MEOX2: variants seen among roughly 807,000 people sequenced by gnomAD.
MEOX2 encodes homeobox protein MOX-2.
In MEOX2, 11 loss-of-function variants were observed where a neutral mutation model predicts 27.0. The ratio of observed to expected loss-of-function variants is 0.41; its 90% CI spans 0.26 to 0.68. The LOEUF is 0.68. MEOX2 is among the 30% of genes least tolerant of loss of function. MEOX2 has a pLI of 0.33. For missense variants in MEOX2, 436 were observed against 385.4 expected (o/e 1.13, Z -1.10); for synonymous variants, 189 against 155.4 (o/e 1.22, Z -1.61).
At chr7:15,670,164 A>G (rs1782072503) in intron 1 of MEOX2, among the ~76,000 whole-genome samples, 1 of 151,718 alleles carries the variant, frequency 6.6e-6, no homozygotes. Context: ...CATATTTCTG[A>G]TTTTGCTTTT....
intron 1 of MEOX2, among the ~76,000 whole-genome samples, chr7:15,653,782 C>T (rs941222995): frequency 6.6e-6 from 1 of 151,900 alleles, no homozygotes; most frequent in Admixed American, 6.6e-5. Flanking sequence ...ATATATGTTT[C>T]TGTGTCTCCA....
In MEOX2 at chr7:15,686,585, T is replaced by G. The variant is rs975879035; in HGVS notation, c.-183A>C. On this transcript the variant is annotated 5_prime_UTR_variant, in exon 1 of 3. It removes an upstream start codon present in the reference 5' UTR. Transcript: ENST00000262041. ...GCCCCAGCGGCCAGTCTCCTTTACA[T>G]ATGAACAGTCGGACCTGGAAGAGCT... 3 of 619,002 alleles carry G rather than the reference T, an allele frequency of 4.8e-6. No individual in the cohort carries two copies. In the African/African-American group the frequency reaches 5.5e-5, roughly 11 times the overall value. The allele number at this position is 619,002 out of a possible 1,614,324, so 38.3% of individuals were successfully genotyped here. A position where few individuals can be genotyped will look rare whatever the true frequency, so the allele number is the denominator to read the frequency against.
chr7:15,646,956 A>T (rs17168946), intron 1 of MEOX2, among the ~76,000 whole-genome samples: 1 of 151,964 alleles, frequency 6.6e-6, no homozygotes, highest in Non-Finnish European at 1.5e-5. Context: ...ATACAGTATT[A>T]TCTACACATC....
At chr7:15,677,767 T>G (rs1782223386) in intron 1 of MEOX2, 1 of 152,148 alleles carries the variant, frequency 6.6e-6, no homozygotes, top group South Asian at 2.1e-4. Context: ...ACCATCAAAT[T>G]GCCATCATCA....
At chr7:15,654,302 AT>A (rs1291802714) in intron 1 of MEOX2, among the ~76,000 whole-genome samples, 24 of 151,744 alleles carry the variant, frequency 1.6e-4, no homozygotes, top group African/African-American at 4.1e-4. Context: ...TATTTGGGGG[AT>A]TTTGTTGGTA....
chr7:15,645,366 A>G (rs981865324), intron 1 of MEOX2, among the ~76,000 whole-genome samples: 1 of 152,208 alleles, frequency 6.6e-6, no homozygotes, highest in Non-Finnish European at 1.5e-5. Context: ...AATAACAGCT[A>G]TGACAAATCT....
chr7:15,635,087 AC>A (rs1781460230), intron 1 of MEOX2, among the ~76,000 whole-genome samples: 1 of 151,958 alleles, frequency 6.6e-6, no homozygotes, highest in South Asian at 2.1e-4. Context: ...ATAAATATTA[AC>A]TTTGTAGGCA....
chr7:15,621,946 G>A (rs936055400), intron 2 of MEOX2, among the ~76,000 whole-genome samples: 5 of 152,084 alleles, frequency 3.3e-5, no homozygotes, highest in South Asian at 2.1e-4. Flanking sequence ...GTGAAACCCC[G>A]TCCCTACTAA....
At chr7:15,653,401 G>C (rs960007307) in intron 1 of MEOX2, among the ~76,000 whole-genome samples, 1 of 151,768 alleles carries the variant, frequency 6.6e-6, no homozygotes, top group East Asian at 1.9e-4. Flanking sequence ...TATGTGGTTT[G>C]GTAACATGTT....
chr7:15,655,806 TA>T (rs1781810786), intron 1 of MEOX2, among the ~76,000 whole-genome samples: 2 of 151,804 alleles, frequency 1.3e-5, no homozygotes, highest in Non-Finnish European at 3.0e-5. Context: ...TAGTGAGCTT[TA>T]AAAATATGTG....
chr7:15,673,366 G>A (rs986001802), intron 1 of MEOX2, among the ~76,000 whole-genome samples: 1 of 151,900 alleles, frequency 6.6e-6, no homozygotes, highest in Non-Finnish European at 1.5e-5. Flanking sequence ...ACATTTTAAT[G>A]AAAATGATGC....
At chr7:15,644,193 C>T (rs1336037567) in intron 1 of MEOX2, among the ~76,000 whole-genome samples, 3 of 152,166 alleles carry the variant, frequency 2.0e-5, no homozygotes, top group East Asian at 1.9e-4. Context: ...GTCACATTTT[C>T]ATTGTAGCTG....
intron 1 of MEOX2, among the ~76,000 whole-genome samples, chr7:15,631,416 A>T (rs532108386): frequency 6.6e-6 from 1 of 151,926 alleles, no homozygotes; most frequent in Non-Finnish European, 1.5e-5. Context: ...ATTTTTTATT[A>T]TATTTATGTA....
At chr7:15,613,571 C>T (rs1300024262) in intron 2 of MEOX2, among the ~76,000 whole-genome samples, 1 of 151,984 alleles carries the variant, frequency 6.6e-6, no homozygotes, top group Admixed American at 6.6e-5. Context: ...TCTACCCCAC[C>T]TAAAAGTACC....
intron 1 of MEOX2, 82 bp downstream of exon 1, chr7:15,685,804 C>T: frequency 1.3e-6 from 2 of 1,491,776 alleles, no homozygotes; most frequent in Non-Finnish European, 1.8e-6. Context: ...TGCCACCCTC[C>T]AGTGCGAGAA....
chr7:15,679,902 A>C (rs1381141088), intron 1 of MEOX2: 2 of 151,964 alleles, frequency 1.3e-5, no homozygotes, highest in African/African-American at 4.8e-5. Context: ...AAACCAAAAA[A>C]ATGTAAATTA....
At position 15,685,870 on chromosome 7, in the gene MEOX2, C is replaced by A. The variant is rs1279923898; in HGVS notation, c.517+16G>T. ...AGCCCGGCGCGCACTCTCGAGGGTG[C>A]CTGGCGCGCCCTTACCTGAGCTGTC... On this transcript the variant is annotated intron_variant, in intron 1 of 2. Coordinates refer to ENST00000262041, the MANE Select transcript of MEOX2 (RefSeq NM_005924.5). 4.5e-6 allele frequency: 7 copies of A among 1,569,676 alleles called. No individual in the cohort carries two copies. Among genetic ancestry groups the A allele is most frequent in the Non-Finnish European group, 5.2e-6 (6 of 1,159,830 alleles).
At chr7:15,671,184 T>C (rs1445380568) in intron 1 of MEOX2, among the ~76,000 whole-genome samples, 11 of 152,306 alleles carry the variant, frequency 7.2e-5, no homozygotes, top group Non-Finnish European at 5.9e-5. Flanking sequence ...CTATGAGATA[T>C]CAGTATTTCT....
chr7:15,680,642 A>C, intron 1 of MEOX2: 1 of 151,894 alleles, frequency 6.6e-6, no homozygotes, highest in East Asian at 1.9e-4. Context: ...GAGCATCCTA[A>C]GGAAAGTAGG....
Sources: gnomAD v4.1 joint callset for allele counts (sites outside exome capture counted in the v4.1 genomes callset) on GRCh38, gnomAD v4.1.1 for gene constraint, MANE v1.5 for transcripts, NCBI Gene and HGNC (gene_info 2026-07-23, HGNC 2026-07-21) for gene names.